Variants in ASTN2 observed in about 807,000 individuals in gnomAD.
ASTN2 encodes the protein astrotactin-2.
A neutral mutation model predicts 139.8 loss-of-function variants in ASTN2; 54 were observed. The ratio of observed to expected loss-of-function variants is 0.39; its 90% CI spans 0.31 to 0.48. The LOEUF (loss-of-function observed/expected upper bound fraction) is 0.48, where lower values mean the gene tolerates loss of function less well. Among genes scored for constraint, ASTN2 ranks in the 20% least tolerant of loss-of-function variants. The pLI, the probability that ASTN2 is intolerant of heterozygous loss-of-function variation, is 0.95. For synonymous variants in ASTN2, 756 were observed against 719.5 expected, an observed-to-expected ratio of 1.05 and a Z score of -0.81; for missense variants, 1,565 against 1,725.1, an observed-to-expected ratio of 0.91 and a Z score of 1.64.
At chr9:116,537,153 G>T (rs1424703784) in intron 19 of ASTN2, among the ~76,000 whole-genome samples, 2 of 152,242 alleles carry the variant, frequency 1.3e-5, no homozygotes, top group African/African-American at 4.8e-5. Flanking sequence ...GACCCTCCGA[G>T]CCACGTGCGG....
At chr9:116,545,626 A>G (rs964681293) in intron 19 of ASTN2, 5 of 152,194 alleles carry the variant, frequency 3.3e-5, no homozygotes, top group African/African-American at 9.7e-5. Flanking sequence ...GAAGTTTTAG[A>G]AACAAATCCA....
chr9:117,282,170 T>C (rs983701922), intron 2 of ASTN2, among the ~76,000 whole-genome samples: 6 of 152,218 alleles, frequency 3.9e-5, no homozygotes, highest in African/African-American at 1.4e-4. Context: ...CCCCATTCTC[T>C]CAGTTTCTTC....
rs571526516 is a variant in ASTN2 at position 116,699,788 on chromosome 9, A to C, written c.2806+25983T>G. 1.2e-3 allele frequency: 1,969 copies of C among 1,583,060 alleles called. 3 individuals are homozygous for C. The highest frequency in any genetic ancestry group is 1.6e-3 in the Non-Finnish European group (1,873 of 1,154,270). ...TGGTTGTTAGTGGCACATGCAGAAT[A>C]GACTCAGCCTATGTCCTGATTCCAG... On this transcript the variant is annotated intron_variant, in intron 16 of 22. Coordinates refer to ENST00000313400, the MANE Select transcript of ASTN2 (RefSeq NM_001365068.1). The surrounding 1 kb of genome is among the most constrained non-coding windows in gnomAD (Gnocchi z 4.2).
chr9:116,741,069 G>A (rs1432975027), intron 13 of ASTN2, among the ~76,000 whole-genome samples: 1 of 152,022 alleles, frequency 6.6e-6, no homozygotes, highest in Admixed American at 6.6e-5. Flanking sequence ...GATCAGCCAT[G>A]CTGACAGCAA....
intron 10 of ASTN2, among the ~76,000 whole-genome samples, chr9:116,926,117 C>T (rs188748510): frequency 2.2e-4 from 33 of 152,278 alleles, no homozygotes; most frequent in African/African-American, 7.9e-4. Flanking sequence ...CCAGAAAGCT[C>T]TTTCTCAGGT....
Position 117,199,585 on chromosome 9 carries a change from C to T in ASTN2, c.1015+14773G>A, listed in dbSNP as rs147357533. Among the ~76,000 whole-genome samples, 1,291 of 151,736 alleles carry T rather than the reference C, an allele frequency of 8.5e-3. 23 individuals are homozygous for T. The highest frequency in any genetic ancestry group is 0.03 in the African/African-American group (1,234 of 41,442). On this transcript the variant is annotated intron_variant, in intron 3 of 22. Transcript: ENST00000313400. ...AATGTCTCCAGCTTTGTTCTTTTTG[C>T]TTAGGATTGTCTTGGCTACATGGGT...
chr9:116,738,368 G>A (rs1471499894), intron 13 of ASTN2, among the ~76,000 whole-genome samples: 1 of 151,516 alleles, frequency 6.6e-6, no homozygotes, highest in Non-Finnish European at 1.5e-5. Context: ...GGGCATGGTG[G>A]CACCCACCTG....
At chr9:116,632,693 A>G (rs939722958) in intron 17 of ASTN2, among the ~76,000 whole-genome samples, 1 of 152,112 alleles carries the variant, frequency 6.6e-6, no homozygotes, top group Non-Finnish European at 1.5e-5. Context: ...TAATGCCTTT[A>G]TTCTATCTTT....
chr9:116,570,205 A>ACAGTGCCCAG (rs1853440862), intron 19 of ASTN2, among the ~76,000 whole-genome samples: 1 of 152,200 alleles, frequency 6.6e-6, no homozygotes, highest in Non-Finnish European at 1.5e-5. Flanking sequence ...TAACTGATAT[A>ACAGTGCCCAG]CAGTGCCCAG....
intron 2 of ASTN2, among the ~76,000 whole-genome samples, chr9:117,285,703 C>T (rs1035800931): frequency 1.3e-4 from 20 of 152,146 alleles, no homozygotes; most frequent in Admixed American, 6.5e-5. Flanking sequence ...GGAGAAGAAA[C>T]CCACAACTTC....
intron 1 of ASTN2, among the ~76,000 whole-genome samples, chr9:117,389,649 C>T (rs1460407056): frequency 6.6e-6 from 1 of 152,158 alleles, no homozygotes; most frequent in Non-Finnish European, 1.5e-5. Flanking sequence ...ACACTGGTAT[C>T]TATCCATTTA....
intron 19 of ASTN2, among the ~76,000 whole-genome samples, chr9:116,502,863 G>A (rs1849936485): frequency 2.1e-5 from 3 of 140,154 alleles, no homozygotes; most frequent in Non-Finnish European, 1.5e-5. Context: ...GAAGATGAAA[G>A]GAAAGAAAAA....
chr9:117,126,054 T>C (rs192438893), intron 4 of ASTN2, among the ~76,000 whole-genome samples: 1 of 152,318 alleles, frequency 6.6e-6, no homozygotes, highest in East Asian at 1.9e-4. Context: ...TTAAGTTAAA[T>C]TGCACAAAAG....
At chr9:116,594,976 T>C (rs1854508377) in intron 19 of ASTN2, among the ~76,000 whole-genome samples, 1 of 152,146 alleles carries the variant, frequency 6.6e-6, no homozygotes, top group African/African-American at 2.4e-5. Flanking sequence ...CATACATACA[T>C]AATTTCCCCT....
intron 13 of ASTN2, among the ~76,000 whole-genome samples, chr9:116,797,352 G>A (rs142135365): frequency 1.3e-5 from 2 of 152,128 alleles, no homozygotes; most frequent in African/African-American, 4.8e-5. Flanking sequence ...CTTGATTCCT[G>A]CAGAAGATGT....
intron 19 of ASTN2, among the ~76,000 whole-genome samples, chr9:116,529,678 G>C (rs1454137994): frequency 6.6e-6 from 1 of 152,088 alleles, no homozygotes; most frequent in Non-Finnish European, 1.5e-5. Flanking sequence ...GGCCTGGTGG[G>C]AGGTGATTGG....
intron 13 of ASTN2, among the ~76,000 whole-genome samples, chr9:116,764,331 G>T (rs1479804868): frequency 6.6e-6 from 1 of 152,160 alleles, no homozygotes; most frequent in East Asian, 1.9e-4. Context: ...AGATCTAAAT[G>T]TCTTAGCCCA....
At chr9:116,627,669 T>C (rs1856532226) in intron 17 of ASTN2, among the ~76,000 whole-genome samples, 1 of 152,176 alleles carries the variant, frequency 6.6e-6, no homozygotes, top group Admixed American at 6.5e-5. Flanking sequence ...CTGTTCAAGG[T>C]CACTCGCTAA....
Position 116,975,353 on chromosome 9 carries a change from G to GT in ASTN2, c.1752-9dup, listed in dbSNP as rs780759461. The GT allele has an allele frequency of 3.4e-5, 54 of 1,594,808 alleles. No individual in the cohort carries two copies. The highest frequency in any genetic ancestry group is 6.0e-6 in the Non-Finnish European group (7 of 1,171,458). The stretch of plus-strand genomic sequence containing the variant: ...CCCAAGCTGAAAGTAGACCTGCAAT[G>GT]TAAGAGTTTCCATTGGGGAACTCCC... On this transcript the variant is annotated splice_polypyrimidine_tract_variant and intron_variant, in intron 9 of 22. Transcript: ENST00000313400.
Sources: gnomAD v4.1 joint callset for allele counts (sites outside exome capture counted in the v4.1 genomes callset) on GRCh38, gnomAD v4.1.1 for gene constraint, Gnocchi (gnomAD v3.1) non-coding constraint, MANE v1.5 for transcripts, NCBI Gene and HGNC (gene_info 2026-07-23, HGNC 2026-07-21) for gene names.